SLC6A20: variants seen among roughly 807,000 people sequenced by gnomAD.
SLC6A20 encodes the protein sodium- and chloride-dependent transporter XTRP3.
SLC6A20 carries 73 observed loss-of-function variants against 64.3 expected under a neutral mutation model. The observed-to-expected ratio is 1.14, with a 90% CI of 0.94 to 1.38. The LOEUF (loss-of-function observed/expected upper bound fraction) is 1.38, where lower values mean the gene tolerates loss of function less well. SLC6A20 is among the 40% of genes most tolerant of loss of function. SLC6A20 has a pLI of 0.00. For synonymous variants in SLC6A20, 347 were observed against 329.6 expected (o/e 1.05, Z -0.57); for missense variants, 725 against 772.8 (o/e 0.94, Z 0.73).
intron 2 of SLC6A20, 123 bp from the exon 3 acceptor site, chr3:45,780,223 A>G: frequency 1.3e-6 from 1 of 789,040 alleles, no homozygotes; most frequent in Non-Finnish European, 2.1e-6. Flanking sequence ...GCCTCCCTCC[A>G]CCAGGTTTGT....
chr3:45,758,712 G>A lies in SLC6A20; in HGVS notation c.*266C>T. ...CCTAATTCTAGGGCTTTCCTGGAATGAAGGATGCAGTTATCTTTGAGACCG... is the reference window on the plus strand; with the variant it reads ...CCTAATTCTAGGGCTTTCCTGGAATAAAGGATGCAGTTATCTTTGAGACCG... On this transcript the variant is annotated 3_prime_UTR_variant, in exon 11 of 11. Coordinates refer to ENST00000358525, the MANE Select transcript of SLC6A20 (RefSeq NM_020208.4). The A allele has an allele frequency of 8.0e-7, 1 of 1,254,984 alleles. No homozygotes were observed. Among genetic ancestry groups the A allele is most frequent in the Non-Finnish European group, 1.0e-6 (1 of 998,966 alleles). 77.7% of individuals were successfully genotyped at this position (1,254,984 alleles called of 1,614,324 possible).
chr3:45,777,272 C>T (rs1452545488), intron 3 of SLC6A20, among the ~76,000 whole-genome samples: 1 of 152,180 alleles, frequency 6.6e-6, no homozygotes, highest in Non-Finnish European at 1.5e-5. Context: ...TCTGCACACC[C>T]AGACAGTGCT....
intron 9 of SLC6A20, among the ~76,000 whole-genome samples, chr3:45,760,361 G>A (rs1364749945): frequency 6.6e-6 from 1 of 152,202 alleles, no homozygotes; most frequent in Non-Finnish European, 1.5e-5. Context: ...GCAGGGGATG[G>A]ACATTTGTCA....
chr3:45,759,671 C>T (rs1191245659), intron 10 of SLC6A20, among the ~76,000 whole-genome samples, 186 bp downstream of exon 10: 2 of 152,202 alleles, frequency 1.3e-5, no homozygotes, highest in African/African-American at 2.4e-5. Flanking sequence ...GAAGCACATA[C>T]CTAAAAGCTC....
intron 3 of SLC6A20, 60 bp downstream of exon 3, chr3:45,779,949 C>T (rs1197925672): frequency 6.5e-7 from 1 of 1,531,218 alleles, no homozygotes; most frequent in Non-Finnish European, 8.9e-7. Context: ...AGCGGGTGGC[C>T]CTGTTTTTCT....
In SLC6A20 at chr3:45,758,737, G is replaced by A. The variant is rs1398734554; in HGVS notation, c.*241C>T. On this transcript the variant is annotated 3_prime_UTR_variant, in exon 11 of 11. Transcript: ENST00000358525. Reference sequence around the variant, plus strand: ...GAAGGATGCAGTTATCTTTGAGACCGGCTTTCATAGCCCACCCCCTTCCAT... The same window carrying A: ...GAAGGATGCAGTTATCTTTGAGACCAGCTTTCATAGCCCACCCCCTTCCAT... 3 of 1,284,102 alleles carry A rather than the reference G, an allele frequency of 2.3e-6. No homozygotes were observed. Among genetic ancestry groups the A allele is most frequent in the Non-Finnish European group, 3.0e-6 (3 of 1,016,306 alleles). 79.5% of individuals were successfully genotyped at this position (1,284,102 alleles called of 1,614,324 possible). A position where few individuals can be genotyped will look rare whatever the true frequency, so the allele number is the denominator to read the frequency against.
chr3:45,784,914 T>C (rs1700147603), intron 1 of SLC6A20, among the ~76,000 whole-genome samples: 1 of 152,146 alleles, frequency 6.6e-6, no homozygotes, highest in African/African-American at 2.4e-5. Context: ...AAGAGGGGGC[T>C]GAACTCTCTT....
chr3:45,760,078 C>T (rs763093345), intron 9 of SLC6A20, 56 bp from the exon 10 acceptor site: 43 of 1,550,428 alleles, frequency 2.8e-5, no homozygotes, highest in East Asian at 1.8e-4. Context: ...GAGGTCAGGG[C>T]GTCCAGCTTG....
intron 9 of SLC6A20, among the ~76,000 whole-genome samples, chr3:45,760,592 G>A (rs949573817): frequency 6.6e-6 from 1 of 152,162 alleles, no homozygotes; most frequent in African/African-American, 2.4e-5. Context: ...AGTGGCCAGG[G>A]CAGTGAGTCC....
At chr3:45,763,412 A>T (rs1699720290) in intron 8 of SLC6A20, among the ~76,000 whole-genome samples, 1 of 152,204 alleles carries the variant, frequency 6.6e-6, no homozygotes, top group Non-Finnish European at 1.5e-5. Flanking sequence ...GTCTACAATT[A>T]TAACCCCCGC....
intron 1 of SLC6A20, among the ~76,000 whole-genome samples, chr3:45,786,602 G>C (rs561026259): frequency 6.6e-6 from 1 of 152,338 alleles, no homozygotes; most frequent in East Asian, 1.9e-4. Context: ...TCTCTGCTGA[G>C]AGTTACTATT....
intron 4 of SLC6A20, among the ~76,000 whole-genome samples, chr3:45,775,460 G>T (rs537085502): frequency 5.8e-4 from 89 of 152,286 alleles, no homozygotes; most frequent in African/African-American, 2.1e-3. Flanking sequence ...TCACTGTCTG[G>T]TTGTCTGGGT....
intron 1 of SLC6A20, among the ~76,000 whole-genome samples, chr3:45,796,068 C>T (rs1700339823): frequency 6.6e-6 from 1 of 152,136 alleles, no homozygotes; most frequent in African/African-American, 2.4e-5. Context: ...CTTGGCCGCC[C>T]CCGGGATGGG....
intron 1 of SLC6A20, among the ~76,000 whole-genome samples, chr3:45,793,447 T>C (rs1700290740): frequency 6.6e-6 from 1 of 152,166 alleles, no homozygotes; most frequent in African/African-American, 2.4e-5. Flanking sequence ...CCTGCTGACT[T>C]TTTCAAAAAG....
chr3:45,784,825 C>A lies in SLC6A20; in HGVS notation c.122-2602G>T, dbSNP rs1700146113. Among the ~76,000 whole-genome samples, 3 of 152,116 alleles carry A rather than the reference C, an allele frequency of 2.0e-5. No homozygotes were observed. In the South Asian group the frequency reaches 6.2e-4, roughly 32 times the overall value. On this transcript the variant is annotated intron_variant, in intron 1 of 10. Transcript: ENST00000358525. The stretch of plus-strand genomic sequence containing the variant: ...AAGTCCAAGAGCATGGTGCTAGTAT[C>A]TGGAGAGGGCCTTCTTACTGCATCA...
At chr3:45,775,327 G>T (rs1012960606) in intron 4 of SLC6A20, among the ~76,000 whole-genome samples, 1 of 152,074 alleles carries the variant, frequency 6.6e-6, no homozygotes, top group Non-Finnish European at 1.5e-5. Flanking sequence ...GCAGAATTTT[G>T]GGGGGCGGGG....
intron 1 of SLC6A20, among the ~76,000 whole-genome samples, chr3:45,790,719 A>G (rs1008711895): frequency 3.3e-5 from 5 of 152,002 alleles, no homozygotes; most frequent in South Asian, 2.1e-4. Flanking sequence ...ATCTCTGTAA[A>G]CCACAGCTCT....
chr3:45,788,079 T>C (rs1700198248), intron 1 of SLC6A20, among the ~76,000 whole-genome samples: 1 of 152,094 alleles, frequency 6.6e-6, no homozygotes, highest in African/African-American at 2.4e-5. Flanking sequence ...CGTGAGTGGC[T>C]GGGCCCAAAG....
intron 1 of SLC6A20, among the ~76,000 whole-genome samples, chr3:45,789,010 A>C (rs1259897237): frequency 6.6e-6 from 1 of 152,234 alleles, no homozygotes. Context: ...GAAGAAACAA[A>C]ATATAAAGAG....
Sources: gnomAD v4.1 joint callset for allele counts (sites outside exome capture counted in the v4.1 genomes callset) on GRCh38, gnomAD v4.1.1 for gene constraint, MANE v1.5 for transcripts, NCBI Gene and HGNC (gene_info 2026-07-23, HGNC 2026-07-21) for gene names.